The following PCGF5 variants were observed in gnomAD, a reference collection of about 807,000 sequenced individuals.
PCGF5 encodes polycomb group RING finger protein 5.
A neutral mutation model predicts 44.3 loss-of-function variants in PCGF5; 9 were observed. The ratio of observed to expected loss-of-function variants is 0.20; its 90% CI spans 0.12 to 0.35. The LOEUF (loss-of-function observed/expected upper bound fraction) is 0.35, where lower values mean the gene tolerates loss of function less well. PCGF5 is among the 10% of genes least tolerant of loss of function. The probability of loss-of-function intolerance (pLI) is 1.00; values close to 1 mark genes in which losing one functional copy is unlikely to be tolerated. For missense variants in PCGF5, 146 were observed against 305.3 expected (o/e 0.48, Z 3.89); for synonymous variants, 95 against 102.5 (o/e 0.93, Z 0.44).
At chr10:91,174,365 G>A (rs1446880574) in intron 1 of PCGF5, among the ~76,000 whole-genome samples, 2 of 152,080 alleles carry the variant, frequency 1.3e-5, no homozygotes, top group African/African-American at 4.8e-5. Flanking sequence ...AAATTAGACA[G>A]GTGTGGCGGT....
At chr10:91,190,413 G>A (rs916812891) in intron 1 of PCGF5, among the ~76,000 whole-genome samples, 1 of 152,126 alleles carries the variant, frequency 6.6e-6, no homozygotes, top group African/African-American at 2.4e-5. Context: ...GTGATGTGTC[G>A]CTAAAGGTCT....
At chr10:91,249,001 T>A (rs1394492114) in intron 5 of PCGF5, among the ~76,000 whole-genome samples, 1 of 152,076 alleles carries the variant, frequency 6.6e-6, no homozygotes, top group African/African-American at 2.4e-5. Flanking sequence ...GTGTTTATAG[T>A]GGTAATTTCT....
At chr10:91,227,400 C>T (rs777360459) in intron 2 of PCGF5, 9 of 1,288,890 alleles carry the variant, frequency 7.0e-6, no homozygotes, top group East Asian at 5.6e-5. Context: ...AGCATATCTA[C>T]GAATGATCAA....
rs187509667 is a variant in PCGF5 at position 91,266,195 on chromosome 10, G to C, written c.663+1675G>C. Among the ~76,000 whole-genome samples the C allele has an allele frequency of 1.6e-4, 24 of 152,092 alleles. 1 individual carries two copies. The highest frequency in any genetic ancestry group is 1.0e-4 in the Non-Finnish European group (7 of 67,976). ...CTTCAGCTTTCTTTGATAGTTTAGC[G>C]GGCATTGCAGTGTGTTTTAGTGACT... On this transcript the variant is annotated intron_variant, in intron 8 of 9. Coordinates refer to ENST00000336126, the MANE Select transcript of PCGF5 (RefSeq NM_032373.5).
chr10:91,235,876 C>T (rs531256540), intron 2 of PCGF5, among the ~76,000 whole-genome samples: 1 of 152,152 alleles, frequency 6.6e-6, no homozygotes, highest in Non-Finnish European at 1.5e-5. Flanking sequence ...CAATAAACCT[C>T]TTTCTTTTGT....
chr10:91,208,415 C>T (rs571122944), intron 1 of PCGF5, among the ~76,000 whole-genome samples: 3 of 152,258 alleles, frequency 2.0e-5, no homozygotes, highest in African/African-American at 7.2e-5. Flanking sequence ...AGTCCATTCA[C>T]AGTGCCACTT....
intron 1 of PCGF5, among the ~76,000 whole-genome samples, chr10:91,168,646 C>A (rs913182037): frequency 6.6e-6 from 1 of 151,952 alleles, no homozygotes; most frequent in East Asian, 1.9e-4. Context: ...AAAACAAAAC[C>A]GGCAGGGCAT....
chr10:91,258,956 TAGG>T (rs1564653136), intron 6 of PCGF5, among the ~76,000 whole-genome samples: 2 of 152,168 alleles, frequency 1.3e-5, no homozygotes, highest in African/African-American at 2.4e-5. Context: ...TACATACAAA[TAGG>T]AGTAATATCT....
intron 3 of PCGF5, among the ~76,000 whole-genome samples, chr10:91,240,928 A>C (rs1223716323): frequency 6.6e-6 from 1 of 151,524 alleles, no homozygotes; most frequent in Non-Finnish European, 1.5e-5. Flanking sequence ...TAATATTAGG[A>C]CTGTTAATTT....
chr10:91,231,637 G>A (rs563078736), intron 2 of PCGF5, among the ~76,000 whole-genome samples: 13 of 152,326 alleles, frequency 8.5e-5, no homozygotes, highest in African/African-American at 2.4e-4. Flanking sequence ...GGCACGTGGC[G>A]CAGTTCTTGT....
chr10:91,234,809 T>C (rs749560031), intron 2 of PCGF5, among the ~76,000 whole-genome samples: 9 of 152,234 alleles, frequency 5.9e-5, no homozygotes, highest in Non-Finnish European at 1.2e-4. Flanking sequence ...ATCTTCCTTG[T>C]ACACAGAAAC....
chr10:91,236,724 T>C (rs956972589), intron 2 of PCGF5, among the ~76,000 whole-genome samples: 4 of 152,236 alleles, frequency 2.6e-5, no homozygotes, highest in Non-Finnish European at 5.9e-5. Context: ...TTTAAGCATC[T>C]ATGGGAAACC....
chr10:91,240,643 A>G, intron 3 of PCGF5, 63 bp downstream of exon 3: 1 of 997,170 alleles, frequency 1.0e-6, no homozygotes, highest in Non-Finnish European at 1.5e-6. Flanking sequence ...CTTAATTTTT[A>G]TTGTATGTCA....
At chr10:91,174,878 C>A (rs1376869986) in intron 1 of PCGF5, among the ~76,000 whole-genome samples, 1 of 152,132 alleles carries the variant, frequency 6.6e-6, no homozygotes, top group African/African-American at 2.4e-5. Flanking sequence ...CCATTACAGG[C>A]ATGGTAAATA....
chr10:91,219,082 C>A (rs1403655430), upstream of PCGF5, among the ~76,000 whole-genome samples: 1 of 152,184 alleles, frequency 6.6e-6, no homozygotes, highest in African/African-American at 2.4e-5. Context: ...CAAACTATTG[C>A]TGCCTCTCCA....
chr10:91,257,346 G>A (rs942918913), intron 6 of PCGF5, among the ~76,000 whole-genome samples: 7 of 152,098 alleles, frequency 4.6e-5, no homozygotes, highest in East Asian at 1.9e-4. Flanking sequence ...AACCTTATAC[G>A]TTGCTAGTGG....
At chr10:91,227,429 G>C (rs1844874971) in intron 2 of PCGF5, 3 of 1,289,338 alleles carry the variant, frequency 2.3e-6, no homozygotes, top group South Asian at 2.5e-5. Context: ...CCAGCACTCA[G>C]TTATCCAAGC....
rs535544886 is a variant in PCGF5 at position 91,281,537 on chromosome 10, C to T, written c.*3221C>T. 6.6e-6 allele frequency: 1 copy of T among 152,510 alleles called. No homozygotes were observed. Among genetic ancestry groups the T allele is most frequent in the East Asian group, 1.9e-4 (1 of 5,200 alleles). 9.4% of individuals were successfully genotyped at this position (152,510 alleles called of 1,614,324 possible). On this transcript the variant is annotated 3_prime_UTR_variant, in exon 10 of 10. Transcript: ENST00000336126. ...CTGTCTCTTATGAATGGTTTCATATCTAAATAGGCTCTTGTAAGTTAATTT... is the reference window on the plus strand; with the variant it reads ...CTGTCTCTTATGAATGGTTTCATATTTAAATAGGCTCTTGTAAGTTAATTT...
chr10:91,217,327 C>A (rs936710036), upstream of PCGF5, among the ~76,000 whole-genome samples: 9 of 152,186 alleles, frequency 5.9e-5, no homozygotes, highest in Non-Finnish European at 1.2e-4. Context: ...CCACCGCACC[C>A]AGCTGAAAAA....
Sources: allele counts gnomAD v4.1 joint callset (sites outside exome capture counted in the v4.1 genomes callset), GRCh38; gene constraint gnomAD v4.1.1; transcripts MANE v1.5; gene names NCBI Gene and HGNC (gene_info 2026-07-23, HGNC 2026-07-21).